The following ZBTB38 variants were observed in gnomAD, a reference collection of about 807,000 sequenced individuals.
The protein encoded by ZBTB38 is zinc finger and BTB domain containing 38.
A neutral mutation model predicts 76.8 loss-of-function variants in ZBTB38; 20 were observed. The ratio of observed to expected loss-of-function variants is 0.26; its 90% CI spans 0.18 to 0.38. ZBTB38 has a LOEUF of 0.38. ZBTB38 is among the 10% of genes least tolerant of loss of function. ZBTB38 has a pLI of 1.00. For synonymous variants in ZBTB38, 504 were observed against 544.2 expected, an observed-to-expected ratio of 0.93 and a Z score of 1.03; for missense variants, 1,082 against 1,482.3, an observed-to-expected ratio of 0.73 and a Z score of 4.43.
rs200973051 is a variant in ZBTB38, at chr3:141,446,083, T to TA, written c.*121dup. 0.19 allele frequency: 126,623 copies of TA among 675,628 alleles called. 1,045 individuals carry two copies. The highest frequency in any genetic ancestry group is 0.33 in the East Asian group (9,028 of 27,516). The allele number at this position is 675,628 out of a possible 1,614,324, so 41.9% of individuals were successfully genotyped here. A position where few individuals can be genotyped will look rare whatever the true frequency, so the allele number is the denominator to read the frequency against. On this transcript the variant is annotated 3_prime_UTR_variant, in exon 6 of 6. Transcript: ENST00000321464. ...TGTGACAGTCATGAAGGAGTGAAAT[T>TA]AAAAAAAAAAAAAACTCATTTGTGA...
At chr3:141,424,238 G>T (rs1247921876) in intron 5 of ZBTB38, among the ~76,000 whole-genome samples, 1 of 152,224 alleles carries the variant, frequency 6.6e-6, no homozygotes, top group Non-Finnish European at 1.5e-5. Context: ...GTTACTGCCA[G>T]CTTGGTGTGG....
At chr3:141,429,790 A>G (rs1049856549) in intron 5 of ZBTB38, among the ~76,000 whole-genome samples, 1 of 152,228 alleles carries the variant, frequency 6.6e-6, no homozygotes, top group African/African-American at 2.4e-5. Flanking sequence ...TGAGCCAGCC[A>G]TGGGCAGTGC....
intron 4 of ZBTB38, among the ~76,000 whole-genome samples, chr3:141,399,370 G>A (rs923011635): frequency 4.6e-5 from 7 of 152,100 alleles, no homozygotes; most frequent in African/African-American, 1.7e-4. Flanking sequence ...TGGCTCCCAC[G>A]GGCATGGGAA....
intron 2 of ZBTB38, among the ~76,000 whole-genome samples, chr3:141,371,919 G>A (rs1417004729): frequency 6.6e-6 from 1 of 152,138 alleles, no homozygotes; most frequent in Non-Finnish European, 1.5e-5. Context: ...CAGACTTAAA[G>A]GTGTGAAATA....
At chr3:141,336,882 A>G (rs1351784061) in intron 1 of ZBTB38, among the ~76,000 whole-genome samples, 1 of 152,232 alleles carries the variant, frequency 6.6e-6, no homozygotes, top group African/African-American at 2.4e-5. Context: ...CTGATGGGTG[A>G]GACTGCCCAT....
intron 5 of ZBTB38, among the ~76,000 whole-genome samples, chr3:141,441,550 A>G (rs1166803272): frequency 2.0e-5 from 3 of 152,228 alleles, no homozygotes; most frequent in Non-Finnish European, 4.4e-5. Context: ...AATAGCGCAG[A>G]GAGGCGGGGG....
chr3:141,417,463 G>A (rs16851403), intron 5 of ZBTB38, among the ~76,000 whole-genome samples: 3,816 of 152,274 alleles, frequency 0.025, 186 homozygotes, highest in African/African-American at 0.087. Context: ...TCTAAACGCA[G>A]TAGAACAGGC....
intron 5 of ZBTB38, among the ~76,000 whole-genome samples, chr3:141,438,661 C>G (rs1201992590): frequency 6.6e-6 from 1 of 152,242 alleles, no homozygotes; most frequent in Non-Finnish European, 1.5e-5. Context: ...CTGCCTCCCT[C>G]TGAGCCTTTC....
intron 1 of ZBTB38, among the ~76,000 whole-genome samples, chr3:141,348,634 A>T (rs1018141924): frequency 6.6e-6 from 1 of 152,162 alleles, no homozygotes; most frequent in Non-Finnish European, 1.5e-5. Flanking sequence ...TTCTCGTCTT[A>T]CTCAAGCTTA....
At chr3:141,371,041 C>CTTTTTTTTTTTT (rs1944488920) in intron 2 of ZBTB38, among the ~76,000 whole-genome samples, 9 of 75,458 alleles carry the variant, frequency 1.2e-4, no homozygotes, top group African/African-American at 6.0e-4. Context: ...TCTTTTCTTT[C>CTTTTTTTTTTTT]TTTCTTTTTT....
chr3:141,372,265 G>A (rs1015734921), intron 2 of ZBTB38, among the ~76,000 whole-genome samples: 1 of 152,202 alleles, frequency 6.6e-6, no homozygotes, highest in Admixed American at 6.5e-5. Flanking sequence ...AAATACTTCA[G>A]CCTCTGAAAG....
At chr3:141,394,844 C>T (rs1283384335) in intron 4 of ZBTB38, among the ~76,000 whole-genome samples, 1 of 152,174 alleles carries the variant, frequency 6.6e-6, no homozygotes, top group Non-Finnish European at 1.5e-5. Flanking sequence ...TGATTTTAGA[C>T]TCTATACTCT....
chr3:141,325,549 G>A (rs1444708286), intron 1 of ZBTB38, among the ~76,000 whole-genome samples: 1 of 152,170 alleles, frequency 6.6e-6, no homozygotes, highest in Admixed American at 6.5e-5. Context: ...AGTTCTCAAG[G>A]TTAGGAAAAG....
Position 141,444,308 on chromosome 3 carries a change from C to G in ZBTB38, c.1920C>G (p.Asp640Glu). Reference sequence around the variant, plus strand: ...CATTGGAAACATCTGCATGTCAGGACATACCCACTTCTGCCAATGTACAAA... The same window carrying G: ...CATTGGAAACATCTGCATGTCAGGAGATACCCACTTCTGCCAATGTACAAA... ...AIPLETSACQ[D>E]IPTSANVQNA... is the part of the protein sequence containing the mutation. Residue 640 changes from aspartate (D) to glutamate (E), a missense_variant, in exon 6 of 6, where the codon GAC becomes GAG. Asp to Glu is a conservative substitution (Grantham distance 45, BLOSUM62 2). This residue lies in a region of ZBTB38 where 471 missense variants were observed against 581.0 expected (regional missense o/e 0.81). Coordinates refer to ENST00000321464, the MANE Select transcript of ZBTB38 (RefSeq NM_001376113.1). The surrounding 1 kb of genome is among the most constrained non-coding windows in gnomAD (Gnocchi z 5.1). 6.2e-7 allele frequency: 1 copy of G among 1,614,200 alleles called. No homozygotes were observed. The highest frequency in any genetic ancestry group is 1.3e-5 in the African/African-American group (1 of 75,046).
chr3:141,396,705 A>C (rs1456621452), intron 4 of ZBTB38, among the ~76,000 whole-genome samples: 2 of 152,246 alleles, frequency 1.3e-5, no homozygotes, highest in African/African-American at 4.8e-5. Context: ...AGGACTACAG[A>C]ATGGATGTTG....
At chr3:141,405,050 A>G (rs1577110737) in intron 5 of ZBTB38, among the ~76,000 whole-genome samples, 1 of 152,308 alleles carries the variant, frequency 6.6e-6, no homozygotes, top group East Asian at 1.9e-4. Context: ...CCACCTATCT[A>G]TTAAAACTTA....
intron 2 of ZBTB38, among the ~76,000 whole-genome samples, chr3:141,378,198 A>C (rs1326228273): frequency 6.6e-6 from 1 of 151,762 alleles, no homozygotes; most frequent in Non-Finnish European, 1.5e-5. Flanking sequence ...AAAAAAAAAA[A>C]AATTACAGTG....
chr3:141,397,364 G>T (rs1950582179), intron 4 of ZBTB38, among the ~76,000 whole-genome samples: 2 of 152,200 alleles, frequency 1.3e-5, no homozygotes, highest in Non-Finnish European at 2.9e-5. Context: ...CGGCTAAAGG[G>T]AATGTTGTGG....
intron 1 of ZBTB38, among the ~76,000 whole-genome samples, chr3:141,362,491 C>A (rs535815636): frequency 8.5e-4 from 129 of 152,220 alleles, no homozygotes; most frequent in Non-Finnish European, 1.7e-3. Flanking sequence ...ATTTATTGAG[C>A]CATTATTATA....
Sources: allele counts gnomAD v4.1 joint callset (sites outside exome capture counted in the v4.1 genomes callset), GRCh38; gene constraint gnomAD v4.1.1; regional missense constraint gnomAD v4.1.1; non-coding constraint Gnocchi (gnomAD v3.1); transcripts MANE v1.5; gene names NCBI Gene and HGNC (gene_info 2026-07-23, HGNC 2026-07-21).